The following RGS6 variants were observed in gnomAD, a reference collection of about 807,000 sequenced individuals.
The protein encoded by RGS6 is regulator of G-protein signaling 6.
A neutral mutation model predicts 78.5 loss-of-function variants in RGS6; 30 were observed. That is an observed-to-expected ratio of 0.38 (90% CI 0.29 to 0.52). The LOEUF (loss-of-function observed/expected upper bound fraction) is 0.52. Among genes scored for constraint, RGS6 ranks in the 20% least tolerant of loss-of-function variants. The pLI is 0.85. For missense variants in RGS6, 495 were observed against 609.7 expected, an observed-to-expected ratio of 0.81 and a Z score of 1.98; for synonymous variants, 206 against 206.0, an observed-to-expected ratio of 1.00 and a Z score of 0.00.
chr14:71,935,058 C>T (rs2088820297), intron 1 of RGS6, among the ~76,000 whole-genome samples: 2 of 152,164 alleles, frequency 1.3e-5, no homozygotes, highest in Admixed American at 6.5e-5. Context: ...TCTTCATTTT[C>T]AGTTTCCAGC....
intron 2 of RGS6, among the ~76,000 whole-genome samples, chr14:72,303,537 C>T (rs771641732): frequency 6.6e-6 from 1 of 152,084 alleles, no homozygotes; most frequent in African/African-American, 2.4e-5. Context: ...GAAAAACCAG[C>T]TTCCCTTAGA....
chr14:72,036,565 A>C (rs1466069052), intron 2 of RGS6, among the ~76,000 whole-genome samples: 5 of 152,068 alleles, frequency 3.3e-5, no homozygotes, highest in Admixed American at 6.6e-5. Context: ...ACATTTTTCA[A>C]ATGGCCAATG....
chr14:72,028,747 G>T (rs995461084), intron 2 of RGS6, among the ~76,000 whole-genome samples: 5 of 152,220 alleles, frequency 3.3e-5, no homozygotes, highest in Non-Finnish European at 7.3e-5. Flanking sequence ...ACTTGGTGCT[G>T]TTTGGCTTTA....
rs59579709 is a variant in RGS6, at chr14:72,013,271, CAAAAAAAAAAAAAAA to C, written c.84+48405_84+48419del. On this transcript the variant is annotated intron_variant, in intron 2 of 17. Coordinates refer to ENST00000553525, the MANE Select transcript of RGS6 (RefSeq NM_001204424.2). ...AGGTGACAGAACAAGACTCCGTCTC[CAAAAAAAAAAAAAAA>C]AAAAAAAACAACAACAACCATAAAA... Among the ~76,000 whole-genome samples the C allele has an allele frequency of 6.9e-3, 534 of 77,124 alleles. 8 individuals are homozygous for C. The highest frequency in any genetic ancestry group is 7.7e-3 in the Non-Finnish European group (332 of 42,998). 50.6% of individuals were successfully genotyped at this position (77,124 alleles called of 152,430 possible). A position where few individuals can be genotyped will look rare whatever the true frequency, so the allele number is the denominator to read the frequency against.
the RGS6 span, among the ~76,000 whole-genome samples, chr14:72,628,882 A>T: frequency 1.7e-4 from 26 of 152,362 alleles, no homozygotes; most frequent in Non-Finnish European, 2.6e-4. Flanking sequence ...GAAAGAGAAT[A>T]AGATGGAGGG....
chr14:72,347,334 G>A lies in RGS6; in HGVS notation c.85-4761G>A, dbSNP rs1016015178. On this transcript the variant is annotated intron_variant, in intron 2 of 17. Transcript: ENST00000553525. ...AAGATAAATCTAACCAATCCCATGG[G>A]ACAAAGGGAGAGAGCCCTGCACAGC... is the stretch of plus-strand genomic sequence containing the variant. Among the ~76,000 whole-genome samples, 5 of 152,174 alleles carry A rather than the reference G, an allele frequency of 3.3e-5. No individual in the cohort carries two copies. In the South Asian group the frequency reaches 1.0e-3, roughly 32 times the overall value.
intron 2 of RGS6, among the ~76,000 whole-genome samples, chr14:72,115,726 A>G (rs1229612694): frequency 1.3e-5 from 2 of 152,224 alleles, no homozygotes; most frequent in African/African-American, 4.8e-5. Context: ...TCCAAATGTC[A>G]TATGAAATGC....
intron 1 of RGS6, among the ~76,000 whole-genome samples, chr14:71,938,700 T>C (rs1028192300): frequency 6.6e-6 from 1 of 152,174 alleles, no homozygotes; most frequent in African/African-American, 2.4e-5. Context: ...TTCCATTTGA[T>C]GATGGGATGC....
At chr14:72,514,926 G>A (rs1302590335) in intron 14 of RGS6, among the ~76,000 whole-genome samples, 1 of 152,244 alleles carries the variant, frequency 6.6e-6, no homozygotes, top group Non-Finnish European at 1.5e-5. Flanking sequence ...GCTCTCTGCA[G>A]CGGGGAATGT....
chr14:72,620,138 G>T, the RGS6 span, among the ~76,000 whole-genome samples: 1 of 151,912 alleles, frequency 6.6e-6, no homozygotes, highest in Non-Finnish European at 1.5e-5. Context: ...CCCTGAACAC[G>T]CCTGTGCTTT....
intron 2 of RGS6, among the ~76,000 whole-genome samples, chr14:72,284,467 G>A (rs768868517): frequency 1.3e-5 from 2 of 152,252 alleles, no homozygotes; most frequent in Non-Finnish European, 1.5e-5. Flanking sequence ...GCTTCAGAAG[G>A]TGCAAGCCCC....
In RGS6 at chr14:72,454,563, T is replaced by G; in HGVS notation, c.220T>G (p.Ser74Ala). ...DIVQWLMKNL[S>A]IEDPVEAIHL... ...TGTGCAGTGGCTTATGAAGAACCTT[T>G]CCATTGAGGACCCAGGTACTTGACC... is the stretch of plus-strand genomic sequence containing the variant. The change falls in exon 4 of 18, where the codon TCC (serine) becomes GCC (alanine). Residue 74 changes from serine (S) to alanine (A), a missense_variant. Physicochemically the swap from Ser to Ala is moderately conservative, Grantham distance 99. Coordinates refer to ENST00000553525, the MANE Select transcript of RGS6 (RefSeq NM_001204424.2). 1 of 1,614,074 alleles carries G rather than the reference T, an allele frequency of 6.2e-7. No homozygotes were observed. The highest frequency in any genetic ancestry group is 8.5e-7 in the Non-Finnish European group (1 of 1,179,980).
chr14:72,371,484 G>T (rs774014391), intron 3 of RGS6, among the ~76,000 whole-genome samples: 1 of 152,110 alleles, frequency 6.6e-6, no homozygotes, highest in Admixed American at 6.5e-5. Flanking sequence ...ATTCTGGGCC[G>T]GGCATGGTGG....
chr14:72,111,934 C>T (rs7153007), intron 2 of RGS6, among the ~76,000 whole-genome samples: 14,427 of 152,184 alleles, frequency 0.095, 865 homozygotes, highest in East Asian at 0.25. Flanking sequence ...TTAAAGGAGC[C>T]GGATAGGTTG....
At position 72,562,732 on chromosome 14, in the gene RGS6, A is replaced by G; in HGVS notation, c.*265A>G. The G allele has an allele frequency of 6.5e-7, 1 of 1,535,994 alleles. No homozygotes were observed. Among genetic ancestry groups the G allele is most frequent in the Non-Finnish European group, 8.7e-7 (1 of 1,146,880 alleles). On this transcript the variant is annotated 3_prime_UTR_variant, in exon 18 of 18. Transcript: ENST00000553525. ...TTGTACAGTTGTATTCCAACACTCC[A>G]CTCGCTAAGAGGCCCTGATCCCAGC...
chr14:72,399,708 T>C (rs1431265746), intron 3 of RGS6, among the ~76,000 whole-genome samples: 3 of 152,146 alleles, frequency 2.0e-5, no homozygotes. Context: ...CTTCAGGAGC[T>C]CTTTTAGGGC....
the RGS6 span, among the ~76,000 whole-genome samples, chr14:71,869,792 G>A: frequency 6.6e-6 from 1 of 152,124 alleles, no homozygotes; most frequent in Non-Finnish European, 1.5e-5. Flanking sequence ...ACATTATTGA[G>A]AAGTGTGACC....
intron 2 of RGS6, among the ~76,000 whole-genome samples, chr14:72,148,959 C>T (rs113212158): frequency 6.6e-6 from 1 of 152,188 alleles, no homozygotes; most frequent in African/African-American, 2.4e-5. Context: ...ACAACATTTA[C>T]TGTGCTCATT....
intron 2 of RGS6, among the ~76,000 whole-genome samples, chr14:72,258,168 A>G (rs2057440171): frequency 6.6e-6 from 1 of 152,162 alleles, no homozygotes; most frequent in Admixed American, 6.5e-5. Context: ...AAACTGCACA[A>G]TGGCCTAGAT....
Sources: allele counts gnomAD v4.1 joint callset (sites outside exome capture counted in the v4.1 genomes callset), GRCh38; gene constraint gnomAD v4.1.1; transcripts MANE v1.5; gene names NCBI Gene and HGNC (gene_info 2026-07-23, HGNC 2026-07-21).